HDAC9: variants seen among roughly 807,000 people sequenced by gnomAD.
The protein encoded by HDAC9 is histone deacetylase 9.
HDAC9 carries 41 observed loss-of-function variants against 139.4 expected under a neutral mutation model. That is an observed-to-expected ratio of 0.29 (90% confidence interval 0.23 to 0.38). The LOEUF is 0.38. Among genes scored for constraint, HDAC9 ranks in the 10% least tolerant of loss-of-function variants. The pLI is 1.00. For missense variants in HDAC9, 1,147 were observed against 1,297.0 expected (o/e 0.88, Z 1.78); for synonymous variants, 517 against 476.2 (o/e 1.09, Z -1.12).
chr7:18,554,913 T>TTC lies in HDAC9; in HGVS notation c.23-30366_23-30365dup, dbSNP rs1165534405. On this transcript the variant is annotated intron_variant, in intron 2 of 25. Transcript: ENST00000686413. ...GGGTCCTTTCTATCTTCTCAGTAGCTTCTATGTGTATATTGCAGGCAGGAA... is the reference window on the plus strand; with the variant it reads ...GGGTCCTTTCTATCTTCTCAGTAGCTTCTCTATGTGTATATTGCAGGCAGGAA... Among the ~76,000 whole-genome samples the TTC allele has an allele frequency of 5.3e-5, 8 of 152,310 alleles. No individual in the cohort carries two copies. The South Asian group carries it at 1.0e-3, about 20-fold the overall frequency.
At chr7:18,303,809 T>G (rs548630195) in intron 1 of HDAC9, among the ~76,000 whole-genome samples, 1 of 152,342 alleles carries the variant, frequency 6.6e-6, no homozygotes, top group African/African-American at 2.4e-5. Context: ...TTAGGCTCCA[T>G]GTTCCTTCCC....
At chr7:18,534,807 G>T (rs1810323074) in intron 2 of HDAC9, among the ~76,000 whole-genome samples, 1 of 152,146 alleles carries the variant, frequency 6.6e-6, no homozygotes, top group Non-Finnish European at 1.5e-5. Flanking sequence ...TTTGTCCAGG[G>T]AATAACTCTT....
intron 2 of HDAC9, among the ~76,000 whole-genome samples, chr7:18,584,226 C>T (rs1042005882): frequency 1.6e-4 from 23 of 144,468 alleles, no homozygotes; most frequent in African/African-American, 4.3e-4. Flanking sequence ...CTGCAAGCTC[C>T]GCCTCCCAGG....
chr7:18,196,293 G>A (rs915979811), intron 2 of HDAC9, among the ~76,000 whole-genome samples: 2 of 152,128 alleles, frequency 1.3e-5, no homozygotes, highest in African/African-American at 2.4e-5. Flanking sequence ...ATAGTGTAGA[G>A]GAACAGTGAT....
At chr7:18,902,747 C>A (rs1408294548) in intron 22 of HDAC9, among the ~76,000 whole-genome samples, 1 of 151,968 alleles carries the variant, frequency 6.6e-6, no homozygotes, top group African/African-American at 2.4e-5. Flanking sequence ...AGCACATAAA[C>A]AAATAAGGAA....
At chr7:18,981,203 C>T (rs1019865556) in intron 25 of HDAC9, among the ~76,000 whole-genome samples, 1 of 152,100 alleles carries the variant, frequency 6.6e-6, no homozygotes, top group Non-Finnish European at 1.5e-5. Flanking sequence ...GGCATCTATA[C>T]CTTTAGCTGT....
At chr7:18,629,506 T>C (rs1781676606) in intron 7 of HDAC9, 25 bp downstream of exon 7, 1 of 1,600,356 alleles carries the variant, frequency 6.2e-7, no homozygotes, top group African/African-American at 1.3e-5. Context: ...GGCAGACCTA[T>C]GAATGCTGGG....
intron 1 of HDAC9, among the ~76,000 whole-genome samples, chr7:18,303,811 T>C (rs953081991): frequency 6.6e-6 from 1 of 152,194 alleles, no homozygotes; most frequent in Non-Finnish European, 1.5e-5. Context: ...AGGCTCCATG[T>C]TCCTTCCCCG....
chr7:18,824,047 A>AGAGGAAGAGGAAGAAGAAGAAGAG (rs763792667), intron 17 of HDAC9, among the ~76,000 whole-genome samples: 1 of 133,362 alleles, frequency 7.5e-6, no homozygotes, highest in Non-Finnish European at 1.6e-5. Context: ...AGGAAGAGGA[A>AGAGGAAGAGGAAGAAGAAGAAGAG]GAAGAAGAAG....
intron 1 of HDAC9, among the ~76,000 whole-genome samples, chr7:18,313,672 A>T (rs1245927799): frequency 6.6e-6 from 1 of 152,304 alleles, no homozygotes; most frequent in African/African-American, 2.4e-5. Flanking sequence ...GCACACACTA[A>T]CAATTTAATT....
intron 1 of HDAC9, among the ~76,000 whole-genome samples, chr7:18,126,702 A>G (rs1195004137): frequency 1.3e-5 from 2 of 152,170 alleles, no homozygotes; most frequent in South Asian, 4.1e-4. Context: ...TTGGCCACAG[A>G]AAGTCCAATC....
chr7:18,509,991 G>C (rs1412075456), intron 2 of HDAC9, among the ~76,000 whole-genome samples: 4 of 152,256 alleles, frequency 2.6e-5, no homozygotes, highest in Non-Finnish European at 5.9e-5. Context: ...AAAGAGTACA[G>C]TGTTATTGCA....
chr7:18,122,948 T>A (rs1391903749), intron 1 of HDAC9, among the ~76,000 whole-genome samples: 1 of 152,090 alleles, frequency 6.6e-6, no homozygotes, highest in African/African-American at 2.4e-5. Context: ...TCTGCTAGGG[T>A]TTTTTTCTTT....
rs1164175317 is a variant in HDAC9 at position 18,977,934 on chromosome 7, AC to A, written c.3170+1982del. Reference sequence around the variant, plus strand: ...CAGACAGACAGACACACACACACACACACACACACACACACACACACACACA... The same window carrying A: ...CAGACAGACAGACACACACACACACAACACACACACACACACACACACACA... On this transcript the variant is annotated intron_variant, in intron 25 of 25. Coordinates refer to ENST00000686413, the MANE Select transcript of HDAC9 (RefSeq NM_178425.4). Among the ~76,000 whole-genome samples the A allele has an allele frequency of 9.6e-4, 144 of 150,044 alleles. 1 individual carries two copies. Among genetic ancestry groups the A allele is most frequent in the African/African-American group, 3.3e-3 (134 of 40,124 alleles).
intron 24 of HDAC9, among the ~76,000 whole-genome samples, chr7:18,957,780 T>A (rs1783258664): frequency 6.6e-6 from 1 of 152,142 alleles, no homozygotes. Flanking sequence ...TCTCTGAGTG[T>A]CACACAAGTG....
At chr7:18,103,816 A>C (rs1241331561) in intron 1 of HDAC9, among the ~76,000 whole-genome samples, 2 of 148,530 alleles carry the variant, frequency 1.3e-5, no homozygotes, top group Non-Finnish European at 3.0e-5. Flanking sequence ...AATATTTCTA[A>C]TATAAAACAT....
At position 18,708,605 on chromosome 7, in the gene HDAC9, T is replaced by C. The variant is rs550066235; in HGVS notation, c.1732-18975T>C. Among the ~76,000 whole-genome samples, 41 of 152,212 alleles carry C rather than the reference T, an allele frequency of 2.7e-4. 1 individual carries two copies. The highest frequency in any genetic ancestry group is 8.4e-4 in the African/African-American group (35 of 41,544). ...GGAGAGAAATAAGCCAGAAGAAGGC[T>C]GAAGGGAATGGAAGCCAGGTGAGGT... On this transcript the variant is annotated intron_variant, in intron 12 of 25. Transcript: ENST00000686413.
intron 2 of HDAC9, among the ~76,000 whole-genome samples, chr7:18,246,422 A>G (rs1794530389): frequency 6.6e-6 from 1 of 152,084 alleles, no homozygotes; most frequent in Non-Finnish European, 1.5e-5. Context: ...CATTTCGTAA[A>G]TTCACAGTGT....
chr7:18,097,734 A>AT (rs1478889835), intron 1 of HDAC9, among the ~76,000 whole-genome samples: 2 of 151,916 alleles, frequency 1.3e-5, no homozygotes, highest in Non-Finnish European at 2.9e-5. Flanking sequence ...CACCTGGCTA[A>AT]TTTTTTATTA....
Sources: gnomAD v4.1 joint callset for allele counts (sites outside exome capture counted in the v4.1 genomes callset) on GRCh38, gnomAD v4.1.1 for gene constraint, MANE v1.5 for transcripts, NCBI Gene and HGNC (gene_info 2026-07-23, HGNC 2026-07-21) for gene names.